Variants in RIMS2 observed in about 807,000 individuals in gnomAD.
RIMS2 encodes the protein regulating synaptic membrane exocytosis 2.
In RIMS2, 59 loss-of-function variants were observed where a neutral mutation model predicts 174.4. That is an observed-to-expected ratio of 0.34 (90% CI 0.27 to 0.42). The LOEUF is 0.42. Among genes scored for constraint, RIMS2 ranks in the 10% least tolerant of loss-of-function variants. RIMS2 has a pLI of 1.00. For missense variants in RIMS2, 1,620 were observed against 1,666.3 expected, an observed-to-expected ratio of 0.97 and a Z score of 0.48; for synonymous variants, 606 against 572.5, an observed-to-expected ratio of 1.06 and a Z score of -0.84.
In RIMS2 at chr8:103,942,756, G is replaced by A. The variant is rs755548930; in HGVS notation, c.2548-17G>A. 2.6e-5 allele frequency: 41 copies of A among 1,592,438 alleles called. No homozygotes were observed. The highest frequency in any genetic ancestry group is 2.6e-5 in the Non-Finnish European group (30 of 1,162,274). ...TATTGGTATATTATAACCGTCCTTT[G>A]TCTCTTGGGTTTGTAGATTTTAATT... On this transcript the variant is annotated splice_polypyrimidine_tract_variant and intron_variant, in intron 13 of 23. Coordinates refer to ENST00000504942, the Ensembl canonical transcript of RIMS2.
At chr8:103,652,709 A>G (rs1358743120) in intron 1 of RIMS2, 3 of 1,344,512 alleles carry the variant, frequency 2.2e-6, no homozygotes, top group African/African-American at 3.0e-5. Flanking sequence ...GGAGCCCCAG[A>G]CGTAAGTAAG....
intron 1 of RIMS2, among the ~76,000 whole-genome samples, chr8:103,582,782 C>T (rs1219351646): frequency 6.6e-6 from 1 of 152,152 alleles, no homozygotes; most frequent in East Asian, 1.9e-4. Context: ...AATAGAACAC[C>T]AGGTAGACTT....
intron 14 of RIMS2, among the ~76,000 whole-genome samples, chr8:103,945,538 A>T (rs898098716): frequency 6.6e-6 from 1 of 152,272 alleles, no homozygotes; most frequent in African/African-American, 2.4e-5. Context: ...AGACATCTTC[A>T]ACAAACTATT....
Position 103,652,240 on chromosome 8 carries a change from A to G in RIMS2, c.177-44846A>G. On this transcript the variant is annotated intron_variant, in intron 1 of 23. Transcript: ENST00000504942. The stretch of plus-strand genomic sequence containing the variant: ...GAACACAAACCACAACTGACACAGT[A>G]AGTAAATGTATTAAGAGTGTAGTAG... The G allele has an allele frequency of 7.4e-7, 1 of 1,346,826 alleles. No homozygotes were observed. The highest frequency in any genetic ancestry group is 9.8e-7 in the Non-Finnish European group (1 of 1,017,264). 83.4% of individuals were successfully genotyped at this position (1,346,826 alleles called of 1,614,324 possible). A position where few individuals can be genotyped will look rare whatever the true frequency, so the allele number is the denominator to read the frequency against.
chr8:103,544,773 C>T (rs1563717342), intron 1 of RIMS2, among the ~76,000 whole-genome samples: 2 of 152,164 alleles, frequency 1.3e-5, no homozygotes, highest in African/African-American at 2.4e-5. Context: ...AGACAGTAAT[C>T]GGAGGGGGCT....
chr8:104,178,434 C>T (rs573556031), intron 19 of RIMS2, among the ~76,000 whole-genome samples: 1 of 152,242 alleles, frequency 6.6e-6, no homozygotes, highest in African/African-American at 2.4e-5. Flanking sequence ...ATCTTTTCCA[C>T]CTTGTCTCCC....
chr8:104,136,967 T>C (rs1338943030), intron 19 of RIMS2, among the ~76,000 whole-genome samples: 1 of 152,154 alleles, frequency 6.6e-6, no homozygotes, highest in African/African-American at 2.4e-5. Context: ...AATTCAATTG[T>C]ACTCATATAT....
chr8:103,871,175 G>A (rs142753348), intron 3 of RIMS2, among the ~76,000 whole-genome samples: 2,056 of 152,264 alleles, frequency 0.014, 48 homozygotes, highest in African/African-American at 0.047. Context: ...TTGGGAGGCC[G>A]AGGTGGATGG....
At chr8:103,559,453 TG>T in intron 1 of RIMS2, 2 of 337,220 alleles carry the variant, frequency 5.9e-6, no homozygotes, top group South Asian at 2.5e-5. Context: ...TCAGGGACTC[TG>T]GTGATCAAGC....
At position 104,162,609 on chromosome 8, in the gene RIMS2, A is replaced by AG. The variant is rs796427204; in HGVS notation, c.3335-82300dup. 8.8e-4 allele frequency among the ~76,000 whole-genome samples: 134 copies of AG among 152,100 alleles called. 2 individuals are homozygous for AG. The highest frequency in any genetic ancestry group is 3.0e-3 in the African/African-American group (126 of 41,512). On this transcript the variant is annotated intron_variant, in intron 19 of 23. Transcript: ENST00000504942. ...TATAATTAGCTTTTTTCATATTATT[A>AG]GGGGGGGAGATCTTTCTTTTCAAAA...
At chr8:104,056,697 CAT>C (rs770043981) in intron 19 of RIMS2, among the ~76,000 whole-genome samples, 31 of 152,164 alleles carry the variant, frequency 2.0e-4, no homozygotes, top group Admixed American at 1.7e-3. Context: ...GCCGGGGAAA[CAT>C]AGCGATACCT....
Position 103,923,533 on chromosome 8 carries a change from G to A in RIMS2, c.2196+1749G>A, listed in dbSNP as rs1047760646. ...AAGGTACATCTGTTAAATATTTGGG[G>A]GAAATATAAATGTAGAAGTTTCACT... On this transcript the variant is annotated intron_variant, in intron 10 of 23. Transcript: ENST00000504942. Among the ~76,000 whole-genome samples the A allele has an allele frequency of 4.6e-5, 7 of 151,626 alleles. No homozygotes were observed. The East Asian group carries it at 1.2e-3, about 25-fold the overall frequency.
At chr8:103,867,851 G>C (rs1238987349) in intron 3 of RIMS2, among the ~76,000 whole-genome samples, 1 of 151,956 alleles carries the variant, frequency 6.6e-6, no homozygotes, top group African/African-American at 2.4e-5. Flanking sequence ...AGAGGTACCT[G>C]CTATTTGCTT....
intron 2 of RIMS2, among the ~76,000 whole-genome samples, chr8:103,723,085 C>T (rs2097475900): frequency 6.6e-6 from 1 of 152,178 alleles, no homozygotes; most frequent in Non-Finnish European, 1.5e-5. Flanking sequence ...GCACTCGAGC[C>T]TGGGCGACAG....
intron 1 of RIMS2, among the ~76,000 whole-genome samples, chr8:103,630,598 A>AAAAG (rs1564088561): frequency 6.7e-6 from 1 of 150,128 alleles, no homozygotes. Flanking sequence ...AAAAAAAAAA[A>AAAAG]AAAGAAACAA....
At chr8:103,938,046 C>T (rs1453714811) in intron 13 of RIMS2, among the ~76,000 whole-genome samples, 2 of 152,032 alleles carry the variant, frequency 1.3e-5, no homozygotes, top group Non-Finnish European at 2.9e-5. Context: ...GGGGTCTCAT[C>T]ATCTTGCCCA....
intron 20 of RIMS2, 50 bp downstream of exon 26, chr8:104,245,107 C>T (rs749073445): frequency 1.9e-6 from 3 of 1,579,622 alleles, no homozygotes; most frequent in Admixed American, 3.4e-5. Context: ...TCACCTATCT[C>T]ACTCTATGTG....
At chr8:104,180,674 T>A (rs58823398) in intron 19 of RIMS2, among the ~76,000 whole-genome samples, 166 of 151,906 alleles carry the variant, frequency 1.1e-3, no homozygotes, top group African/African-American at 3.7e-3. Flanking sequence ...TAGACTTTAA[T>A]CTATGACTCA....
chr8:103,877,443 T>TAA (rs1319392924), intron 3 of RIMS2, among the ~76,000 whole-genome samples: 1 of 151,816 alleles, frequency 6.6e-6, no homozygotes, highest in Non-Finnish European at 1.5e-5. Flanking sequence ...TAGATTCTGG[T>TAA]TATTAGTCAT....
Sources: gnomAD v4.1 joint callset for allele counts (sites outside exome capture counted in the v4.1 genomes callset) on GRCh38, gnomAD v4.1.1 for gene constraint, MANE v1.5 for transcripts, NCBI Gene and HGNC (gene_info 2026-07-23, HGNC 2026-07-21) for gene names.